The following BACH2 variants were observed in gnomAD, a reference collection of about 807,000 sequenced individuals.
BACH2 encodes BACH transcriptional regulator 2.
A neutral mutation model predicts 61.8 loss-of-function variants in BACH2; 5 were observed. That is an observed-to-expected ratio of 0.08 (90% confidence interval 0.04 to 0.17). BACH2 has a LOEUF of 0.17. Among genes scored for constraint, BACH2 ranks in the 10% least tolerant of loss-of-function variants. BACH2 has a pLI of 1.00. For synonymous variants in BACH2, 446 were observed against 440.1 expected (o/e 1.01, Z -0.17); for missense variants, 824 against 1,091.1 (o/e 0.76, Z 3.45).
At position 89,951,136 on chromosome 6, in the gene BACH2, C is replaced by G. The variant is rs760753844; in HGVS notation, c.970G>C (p.Ala324Pro). 4.3e-6 allele frequency: 7 copies of G among 1,610,348 alleles called. No individual in the cohort carries two copies. The highest frequency in any genetic ancestry group is 5.9e-6 in the Non-Finnish European group (7 of 1,178,768). The change falls in exon 7 of 9, where the codon GCT becomes CCT. Residue 324 changes from alanine (A) to proline (P), a missense_variant. Physicochemically the swap from Ala to Pro is conservative, Grantham distance 27 (BLOSUM62 -1). Transcript: ENST00000257749. This position sits in a 1 kb window ranked among gnomAD's most constrained non-coding sequence, Gnocchi z 6.4. ...GATCTCTCCAGGCAGGCGGCCCCAG[C>G]TGGGGCCGTGGGGGTAGGGGCAGGG... Reference protein sequence around the residue: ...PSPAPTPTAPAGAACLERSRS... With the variant: ...PSPAPTPTAPPGAACLERSRS...
chr6:90,279,642 CTA>C (rs1326035193), intron 1 of BACH2, among the ~76,000 whole-genome samples: 1 of 148,810 alleles, frequency 6.7e-6, no homozygotes, highest in African/African-American at 2.4e-5. Flanking sequence ...TTTCTTGGTC[CTA>C]TATACCAAAA....
Position 89,942,826 on chromosome 6 carries a change from T to C in BACH2, c.1837-4476A>G, listed in dbSNP as rs1187320850. Reference sequence around the variant, plus strand: ...CCACAGTTGGCACAATAAGCTGCTGTTGATTTTATTCAGCCCAGCAAAGTG... The same window carrying C: ...CCACAGTTGGCACAATAAGCTGCTGCTGATTTTATTCAGCCCAGCAAAGTG... On this transcript the variant is annotated intron_variant, in intron 7 of 8. Coordinates refer to ENST00000257749, the MANE Select transcript of BACH2 (RefSeq NM_021813.4). Among the ~76,000 whole-genome samples, 5 of 152,154 alleles carry C rather than the reference T, an allele frequency of 3.3e-5. No individual in the cohort carries two copies. The East Asian group carries it at 9.7e-4, about 29-fold the overall frequency.
At chr6:90,290,051 G>A (rs752268342) in intron 1 of BACH2, among the ~76,000 whole-genome samples, 28 of 152,146 alleles carry the variant, frequency 1.8e-4, no homozygotes, top group Non-Finnish European at 3.4e-4. Context: ...AATCAATTCT[G>A]GACTCTGTAT....
rs116590061 is a variant in BACH2 at position 89,935,629 on chromosome 6, T to C, written c.2043+2515A>G. Among the ~76,000 whole-genome samples, 827 of 152,286 alleles carry C rather than the reference T, an allele frequency of 5.4e-3. 7 individuals carry two copies. Among genetic ancestry groups the C allele is most frequent in the African/African-American group, 0.019 (791 of 41,556 alleles). ...TATTTAAGGGGATGCCAAAAAGTGGTTGGAGAACTAGATGATGCTCTAATT... is the reference window on the plus strand; with the variant it reads ...TATTTAAGGGGATGCCAAAAAGTGGCTGGAGAACTAGATGATGCTCTAATT... On this transcript the variant is annotated intron_variant, in intron 8 of 8. Coordinates refer to ENST00000257749, the MANE Select transcript of BACH2 (RefSeq NM_021813.4).
At chr6:90,169,803 CT>C (rs1767751328) in intron 4 of BACH2, among the ~76,000 whole-genome samples, 1 of 152,160 alleles carries the variant, frequency 6.6e-6, no homozygotes, top group Admixed American at 6.5e-5. Context: ...GCTTTTATAC[CT>C]TCACCAATTG....
At chr6:90,106,311 T>A (rs1258333860) in intron 4 of BACH2, among the ~76,000 whole-genome samples, 1 of 152,238 alleles carries the variant, frequency 6.6e-6, no homozygotes, top group Non-Finnish European at 1.5e-5. Context: ...TAAAGTAATG[T>A]GCTGAATAAT....
chr6:90,243,040 C>T (rs1035474042), intron 3 of BACH2, among the ~76,000 whole-genome samples: 5 of 147,930 alleles, frequency 3.4e-5, no homozygotes, highest in Admixed American at 1.4e-4. Flanking sequence ...CCACCATGCC[C>T]GGCTAATTTT....
chr6:90,102,751 T>C (rs1220657003), intron 4 of BACH2, among the ~76,000 whole-genome samples: 2 of 149,914 alleles, frequency 1.3e-5, no homozygotes, highest in Non-Finnish European at 3.0e-5. Context: ...GATTGCGCCA[T>C]TGCACTCTGG....
intron 1 of BACH2, 92 bp from the exon 2 acceptor site, chr6:90,272,033 T>A (rs995062902): frequency 1.6e-4 from 25 of 152,356 alleles, no homozygotes; most frequent in African/African-American, 5.8e-4. Flanking sequence ...CCTTCTCTGC[T>A]TGACATTGAA....
At chr6:90,111,078 C>G (rs905539942) in intron 4 of BACH2, among the ~76,000 whole-genome samples, 11 of 152,150 alleles carry the variant, frequency 7.2e-5, no homozygotes, top group East Asian at 3.8e-4. Context: ...CAGTTTTCCC[C>G]ACCATTACAT....
At chr6:90,060,259 G>T (rs1394416677) in intron 5 of BACH2, among the ~76,000 whole-genome samples, 1 of 151,268 alleles carries the variant, frequency 6.6e-6, no homozygotes, top group Non-Finnish European at 1.5e-5. Flanking sequence ...GCATATTTTT[G>T]TTGCCTTTCA....
intron 4 of BACH2, among the ~76,000 whole-genome samples, chr6:90,131,741 C>T (rs1784088466): frequency 6.6e-6 from 1 of 152,208 alleles, no homozygotes; most frequent in African/African-American, 2.4e-5. Context: ...GAAAATACAG[C>T]ATTTCAATTT....
intron 4 of BACH2, among the ~76,000 whole-genome samples, chr6:90,160,333 T>C (rs1057344530): frequency 1.3e-5 from 2 of 152,168 alleles, no homozygotes; most frequent in South Asian, 2.1e-4. Flanking sequence ...TTTGTGTATG[T>C]GCATGTGTGG....
intron 4 of BACH2, among the ~76,000 whole-genome samples, chr6:90,114,720 C>T (rs1435636785): frequency 1.3e-5 from 2 of 152,158 alleles, no homozygotes; most frequent in African/African-American, 4.8e-5. Flanking sequence ...GAGAGGAAGT[C>T]AAACGATCTC....
chr6:90,284,127 G>A (rs184449586), intron 1 of BACH2, among the ~76,000 whole-genome samples: 7 of 152,270 alleles, frequency 4.6e-5, no homozygotes, highest in African/African-American at 1.7e-4. Flanking sequence ...AATACAAAAA[G>A]CAAAGGCTCT....
intron 5 of BACH2, among the ~76,000 whole-genome samples, chr6:90,054,523 C>T (rs1780223876): frequency 6.6e-6 from 1 of 151,878 alleles, no homozygotes; most frequent in African/African-American, 2.4e-5. Flanking sequence ...GCCTGCCTGC[C>T]TCTGTAGGCT....
intron 6 of BACH2, among the ~76,000 whole-genome samples, chr6:89,966,023 T>C (rs769287678): frequency 7.2e-5 from 11 of 152,196 alleles, no homozygotes; most frequent in Non-Finnish European, 1.3e-4. Context: ...TACTAAAAAT[T>C]CTGAAGATGT....
intron 4 of BACH2, among the ~76,000 whole-genome samples, chr6:90,095,598 G>A (rs1325262759): frequency 1.3e-5 from 2 of 152,098 alleles, no homozygotes; most frequent in Admixed American, 1.3e-4. Context: ...TATCATAAAA[G>A]GATGGTGCAG....
At chr6:90,260,271 A>AT (rs1291603645) in intron 2 of BACH2, among the ~76,000 whole-genome samples, 1 of 152,124 alleles carries the variant, frequency 6.6e-6, no homozygotes, top group Non-Finnish European at 1.5e-5. Flanking sequence ...GTCTCAAGGC[A>AT]TTTTTTAAAT....
Sources: gnomAD v4.1 joint callset for allele counts (sites outside exome capture counted in the v4.1 genomes callset) on GRCh38, gnomAD v4.1.1 for gene constraint, Gnocchi (gnomAD v3.1) non-coding constraint, MANE v1.5 for transcripts, NCBI Gene and HGNC (gene_info 2026-07-23, HGNC 2026-07-21) for gene names.